PCNT: variants seen among roughly 807,000 people sequenced by gnomAD.
The protein encoded by PCNT is pericentrin, also known as kendrin.
PCNT carries 319 observed loss-of-function variants against 380.4 expected under a neutral mutation model. The ratio of observed to expected loss-of-function variants is 0.84; its 90% CI spans 0.77 to 0.92. PCNT has a LOEUF of 0.92. PCNT is among the 40% of genes least tolerant of loss of function. The probability of loss-of-function intolerance (pLI) is 0.00; values close to 1 mark genes in which losing one functional copy is unlikely to be tolerated. For missense variants in PCNT, 4,400 were observed against 4,255.3 expected, an observed-to-expected ratio of 1.03 and a Z score of -0.95; for synonymous variants, 1,845 against 1,735.2, an observed-to-expected ratio of 1.06 and a Z score of -1.57.
Position 46,425,823 on chromosome 21 carries a change from C to A in PCNT, c.7180-8C>A. On this transcript the variant is annotated splice_region_variant and splice_polypyrimidine_tract_variant and intron_variant, in intron 32 of 46. Transcript: ENST00000359568. The surrounding 1 kb of genome is among the most constrained non-coding windows in gnomAD (Gnocchi z 4.2). ...GCAACTCCCTTCTGACGCGCTTTCC[C>A]GCCACAGGCTTTACTGCAGATGGTG... 6.2e-7 allele frequency: 1 copy of A among 1,613,346 alleles called. No homozygotes were observed. Among genetic ancestry groups the A allele is most frequent in the East Asian group, 2.2e-5 (1 of 44,854 alleles).
intron 25 of PCNT, among the ~76,000 whole-genome samples, 154 bp from the exon 26 acceptor site, chr21:46,401,397 A>G (rs1214222258): frequency 6.6e-6 from 1 of 152,198 alleles, no homozygotes; most frequent in East Asian, 1.9e-4. Flanking sequence ...CCTGGGTGCC[A>G]GTGTTGCCTG....
intron 15 of PCNT, among the ~76,000 whole-genome samples, chr21:46,380,118 C>G (rs1239167586): frequency 1.4e-5 from 2 of 145,788 alleles, no homozygotes; most frequent in Non-Finnish European, 3.0e-5. Flanking sequence ...TTGACACTGA[C>G]TGTTTCCAAC....
At chr21:46,440,773 A>G in intron 42 of PCNT, 82 bp from the exon 43 acceptor site, 1 of 864,538 alleles carries the variant, frequency 1.2e-6, no homozygotes, top group South Asian at 1.4e-5. Flanking sequence ...CTCTTTGGAA[A>G]GAGCAATGGT....
Position 46,353,132 on chromosome 21 carries a change from C to T in PCNT, c.1485C>T (p.Thr495=). ...SELHEQLLAR[T]SRVEDLEQLK... is the part of the protein sequence containing the mutation. The stretch of plus-strand genomic sequence containing the variant: ...TACATGAGCAACTCCTGGCGCGCAC[C>T]TCTCGTGTGGAAGATTTAGAACAGC... The change falls in exon 10 of 47, where the codon ACC becomes ACT. Residue 495 remains threonine (T), a synonymous_variant. Transcript: ENST00000359568. 6.2e-7 allele frequency: 1 copy of T among 1,614,044 alleles called. No homozygotes were observed.
chr21:46,356,860 C>T, intron 12 of PCNT, 114 bp from the exon 13 acceptor site: 3 of 857,872 alleles, frequency 3.5e-6, no homozygotes, highest in South Asian at 2.9e-5. Flanking sequence ...CTTGAAAATC[C>T]ACAGTGTCTG....
At chr21:46,354,499 A>C (rs2146682095) in intron 11 of PCNT, among the ~76,000 whole-genome samples, 1 of 152,340 alleles carries the variant, frequency 6.6e-6, no homozygotes, top group African/African-American at 2.4e-5. Flanking sequence ...CAAACTGTCC[A>C]AACGGAGCTT....
In PCNT at chr21:46,382,117, G is replaced by C. The variant is rs933105513; in HGVS notation, c.3312+277G>C. ...TAGTGTTCTGCATTCAGTGGCAGAA[G>C]CACATTCACGGTGTTGTGCATTCAG... On this transcript the variant is annotated intron_variant, in intron 16 of 46. Transcript: ENST00000359568. Among the ~76,000 whole-genome samples, 5 of 146,734 alleles carry C rather than the reference G, an allele frequency of 3.4e-5. 1 individual carries two copies. Among genetic ancestry groups the C allele is most frequent in the Non-Finnish European group, 7.5e-5 (5 of 66,436 alleles).
At chr21:46,368,121 C>T (rs1194222296) in intron 15 of PCNT, among the ~76,000 whole-genome samples, 1 of 152,136 alleles carries the variant, frequency 6.6e-6, no homozygotes, top group Non-Finnish European at 1.5e-5. Flanking sequence ...TGTGCCACTG[C>T]ACTCCAGCCT....
At chr21:46,415,967 G>A (rs550385840) in intron 29 of PCNT, 102 bp from the exon 30 acceptor site, 1 of 1,030,888 alleles carries the variant, frequency 9.7e-7, no homozygotes. Flanking sequence ...GGAATCACCC[G>A]AGTGCTCCGA....
intron 37 of PCNT, 180 bp downstream of exon 37, chr21:46,430,837 G>T: frequency 1.0e-6 from 1 of 985,458 alleles, no homozygotes; most frequent in Non-Finnish European, 1.2e-6. Context: ...TGTAGTGGCA[G>T]CCACCACAGG....
Position 46,367,038 on chromosome 21 carries a change from A to G in PCNT, c.3064A>G (p.Lys1022Glu). 6.2e-7 allele frequency: 1 copy of G among 1,614,148 alleles called. No homozygotes were observed. The highest frequency in any genetic ancestry group is 8.5e-7 in the Non-Finnish European group (1 of 1,180,038). ...TCAAGAGTTGGAGAAACTGAAGCGG[A>G]AACACGAAGGGGAGCTACAGTCTGT... ...LTQELEKLKR[K>E]HEGELQSVRD... The change falls in exon 15 of 47, where the codon AAA becomes GAA. Residue 1022 changes from lysine to glutamate, a missense_variant. Coordinates refer to ENST00000359568, the MANE Select transcript of PCNT (RefSeq NM_006031.6).
chr21:46,404,920 G>A (rs2147563556), intron 27 of PCNT, among the ~76,000 whole-genome samples: 1 of 152,140 alleles, frequency 6.6e-6, no homozygotes, highest in East Asian at 1.9e-4. Flanking sequence ...GGGCAACAAA[G>A]CAAGACCCTG....
intron 2 of PCNT, among the ~76,000 whole-genome samples, chr21:46,333,261 G>T (rs1259957156): frequency 6.6e-6 from 1 of 151,924 alleles, no homozygotes; most frequent in Admixed American, 6.6e-5. Flanking sequence ...GTGAAACCCC[G>T]ATTCTACTAA....
intron 16 of PCNT, among the ~76,000 whole-genome samples, chr21:46,384,576 T>A (rs1341897642): frequency 7.1e-6 from 1 of 141,666 alleles, no homozygotes; most frequent in Non-Finnish European, 1.5e-5. Context: ...GTGCATTCAG[T>A]GGTGGAAGCC....
chr21:46,390,624 A>G, intron 19 of PCNT, 46 bp from the exon 20 acceptor site: 2 of 1,600,318 alleles, frequency 1.2e-6, no homozygotes, highest in Non-Finnish European at 1.7e-6. Flanking sequence ...TGTAGGCTTC[A>G]GTTATTTTTG....
chr21:46,400,912 A>T (rs2086402908), intron 25 of PCNT, among the ~76,000 whole-genome samples: 1 of 152,148 alleles, frequency 6.6e-6, no homozygotes, highest in South Asian at 2.1e-4. Flanking sequence ...TGTCGCAGGG[A>T]GGACCGCTGA....
chr21:46,379,403 G>C (rs1254881814), intron 15 of PCNT, among the ~76,000 whole-genome samples: 4 of 152,236 alleles, frequency 2.6e-5, no homozygotes, highest in African/African-American at 9.6e-5. Flanking sequence ...CCTGAACCCT[G>C]CTGAGGTTTG....
chr21:46,391,456 A>G, intron 21 of PCNT, 80 bp downstream of exon 21: 2 of 1,172,998 alleles, frequency 1.7e-6, no homozygotes, highest in Non-Finnish European at 1.2e-6. Flanking sequence ...GCTCCCAAGG[A>G]CACTCAGTGT....
chr21:46,394,903 C>T (rs1217451860), intron 21 of PCNT, among the ~76,000 whole-genome samples: 1 of 152,224 alleles, frequency 6.6e-6, no homozygotes, highest in Admixed American at 6.5e-5. Context: ...ACCTGCTTCG[C>T]CAGCTGGGAT....
Sources: gnomAD v4.1 joint callset for allele counts (sites outside exome capture counted in the v4.1 genomes callset) on GRCh38, gnomAD v4.1.1 for gene constraint, Gnocchi (gnomAD v3.1) non-coding constraint, MANE v1.5 for transcripts, NCBI Gene and HGNC (gene_info 2026-07-23, HGNC 2026-07-21) for gene names.